Variants in XRRA1 observed in about 807,000 individuals in gnomAD.
XRRA1 encodes the protein X-ray radiation resistance-associated protein 1.
XRRA1 carries 69 observed loss-of-function variants against 80.2 expected under a neutral mutation model. That is an observed-to-expected ratio of 0.86 (90% CI 0.71 to 1.05). The LOEUF (loss-of-function observed/expected upper bound fraction) is 1.05. Among genes scored for constraint, XRRA1 ranks in the 50% least tolerant of loss-of-function variants. The pLI, the probability that XRRA1 is intolerant of heterozygous loss-of-function variation, is 0.00. For missense variants in XRRA1, 967 were observed against 976.4 expected (o/e 0.99, Z 0.13); for synonymous variants, 348 against 389.9 (o/e 0.89, Z 1.27).
intron 10 of XRRA1, among the ~76,000 whole-genome samples, chr11:74,891,136 T>C (rs1315297): frequency 0.41 from 61,959 of 151,930 alleles, 13,481 homozygotes; most frequent in Middle Eastern, 0.5. Context: ...CTGATGAACA[T>C]TGATGCAAAA....
At chr11:74,919,176 G>C (rs1241383576) in intron 8 of XRRA1, among the ~76,000 whole-genome samples, 1 of 152,126 alleles carries the variant, frequency 6.6e-6, no homozygotes, top group Non-Finnish European at 1.5e-5. Context: ...ATTTTTAAGA[G>C]TGCTTACCTT....
chr11:74,878,634 T>G (rs1444042109), intron 10 of XRRA1, among the ~76,000 whole-genome samples: 1 of 149,524 alleles, frequency 6.7e-6, no homozygotes, highest in Non-Finnish European at 1.5e-5. Context: ...TTGAATTGAT[T>G]TTTGTATAAG....
At position 74,930,373 on chromosome 11, in the gene XRRA1, CT is replaced by C; in HGVS notation, c.352-2del. On this transcript the variant is annotated splice_acceptor_variant, in intron 5 of 18. Transcript: ENST00000684022. LOFTEE classifies it high-confidence loss of function. ...AATGCTTGAAGTCATTTTCCTTGGC[CT>C]GTAGGAAAGCATTTCAGAAAAAAAA... The C allele has an allele frequency of 6.4e-7, 1 of 1,550,538 alleles. No individual in the cohort carries two copies. The highest frequency in any genetic ancestry group is 8.7e-7 in the Non-Finnish European group (1 of 1,147,948).
chr11:74,886,704 GA>G (rs150041377), intron 10 of XRRA1, among the ~76,000 whole-genome samples: 7,171 of 152,020 alleles, frequency 0.047, 248 homozygotes, highest in Middle Eastern at 0.12. Flanking sequence ...CACCAAATTA[GA>G]AAAAAGTATT....
chr11:74,892,039 A>G (rs1048582640), intron 10 of XRRA1, among the ~76,000 whole-genome samples: 17 of 152,202 alleles, frequency 1.1e-4, no homozygotes, highest in African/African-American at 3.9e-4. Flanking sequence ...TTCTTCACAG[A>G]ATTGGAAAAA....
Position 74,848,146 on chromosome 11 carries a change from G to A in XRRA1, c.1697C>T (p.Ser566Phe). Residue 566 changes from serine (S) to phenylalanine (F), a missense_variant, in exon 15 of 19, where the codon TCC becomes TTC. Transcript: ENST00000684022. The part of the protein sequence containing the change: ...LSPERPSDED[S>F]KSTESIFLTQ... Reference sequence around the variant, plus strand: ...CAGGAAGATGGACTCTGTGCTCTTGGAGTCCTCATCTGATGGGCGCTCTGG... The same window carrying A: ...CAGGAAGATGGACTCTGTGCTCTTGAAGTCCTCATCTGATGGGCGCTCTGG... 6.2e-7 allele frequency: 1 copy of A among 1,612,460 alleles called. No individual in the cohort carries two copies. Among genetic ancestry groups the A allele is most frequent in the Non-Finnish European group, 8.5e-7 (1 of 1,179,862 alleles).
intron 10 of XRRA1, among the ~76,000 whole-genome samples, chr11:74,879,470 T>C (rs1207883437): frequency 6.6e-6 from 1 of 152,122 alleles, no homozygotes. Flanking sequence ...TTCTCCTGCC[T>C]AATTGCCCTG....
rs1267036694 is a variant in XRRA1, at chr11:74,843,889, A to G, written c.2114T>C (p.Leu705Ser). ...CTCTGTAATGTTCCGGGGATCCCGC[A>G]AGCGAATGAAGATGTCATCCAGAAG... ...AQLLDDIFIR[L>S]RDPRNITEAP... Residue 705 changes from leucine to serine, a missense_variant, in exon 18 of 19, where the codon TTG (leucine) becomes TCG (serine). By Grantham distance (145) the Leu-to-Ser change is moderately radical. Transcript: ENST00000684022. 1 of 1,612,946 alleles carries G rather than the reference A, an allele frequency of 6.2e-7. No individual in the cohort carries two copies. Among genetic ancestry groups the G allele is most frequent in the Non-Finnish European group, 8.5e-7 (1 of 1,179,500 alleles).
intron 10 of XRRA1, among the ~76,000 whole-genome samples, chr11:74,894,109 C>T (rs2051574139): frequency 6.6e-6 from 1 of 152,144 alleles, no homozygotes; most frequent in Admixed American, 6.6e-5. Context: ...ATGTCCTTTG[C>T]AGAAACACAG....
intron 8 of XRRA1, among the ~76,000 whole-genome samples, chr11:74,920,380 C>T (rs1009339756): frequency 3.9e-5 from 6 of 152,116 alleles, no homozygotes; most frequent in Admixed American, 6.6e-5. Context: ...TAACTTATTA[C>T]ATATATACAC....
chr11:74,841,356 G>C lies in XRRA1; in HGVS notation c.*1844C>G, dbSNP rs929674122. 3.3e-5 allele frequency: 5 copies of C among 152,170 alleles called. No homozygotes were observed. The highest frequency in any genetic ancestry group is 1.2e-4 in the African/African-American group (5 of 41,432). The allele number at this position is 152,170 out of a possible 1,614,324, so 9.4% of individuals were successfully genotyped here. On this transcript the variant is annotated 3_prime_UTR_variant, in exon 19 of 19. Transcript: ENST00000684022. ...GCTGAAGAGATTTTCTTCTGAAGATGATCTAGGAAATGCATCTTTATACAT... is the reference window on the plus strand; with the variant it reads ...GCTGAAGAGATTTTCTTCTGAAGATCATCTAGGAAATGCATCTTTATACAT...
chr11:74,882,795 G>T (rs1280270613), intron 10 of XRRA1, among the ~76,000 whole-genome samples: 4 of 151,998 alleles, frequency 2.6e-5, no homozygotes, highest in Admixed American at 6.6e-5. Flanking sequence ...TGCCCCTGCT[G>T]GGGGGGTGCC....
chr11:74,863,090 T>C (rs939416782), intron 10 of XRRA1, 69 bp from the exon 11 acceptor site: 1 of 1,437,866 alleles, frequency 7.0e-7, no homozygotes, highest in East Asian at 2.4e-5. Context: ...ACCCAGGATA[T>C]AGGTCTGCCA....
intron 15 of XRRA1, among the ~76,000 whole-genome samples, chr11:74,846,682 T>C (rs554882333): frequency 7.2e-5 from 11 of 152,144 alleles, no homozygotes; most frequent in South Asian, 2.1e-4. Flanking sequence ...TCAGTAGACA[T>C]AGGAAAAGCC....
At position 74,845,122 on chromosome 11, in the gene XRRA1, A is replaced by G; in HGVS notation, c.1878T>C (p.Tyr626=). 6.2e-7 allele frequency: 1 copy of G among 1,614,030 alleles called. No homozygotes were observed. Residue 626 remains tyrosine (Y), a synonymous_variant, in exon 16 of 19, where the codon TAT becomes TAC. Coordinates refer to ENST00000684022, the MANE Select transcript of XRRA1 (RefSeq NM_001378157.1). ...TAFLPSKYHG[Y]EELLTAKPDP... ...CAGGCTTGGCTGTCAGCAGTTCTTC[A>G]TAGCCGTGGTACTTGCTGGGAAGGA...
chr11:74,920,767 G>A (rs1042171108), intron 8 of XRRA1, among the ~76,000 whole-genome samples: 1 of 152,198 alleles, frequency 6.6e-6, no homozygotes, highest in Admixed American at 6.5e-5. Context: ...GATTTAATGA[G>A]TTAACATACA....
chr11:74,878,016 T>C (rs2046484485), intron 10 of XRRA1, among the ~76,000 whole-genome samples: 1 of 151,850 alleles, frequency 6.6e-6, no homozygotes, highest in Admixed American at 6.6e-5. Flanking sequence ...TTTCCAGTTC[T>C]AGATCCCTGA....
intron 8 of XRRA1, among the ~76,000 whole-genome samples, chr11:74,911,004 G>A (rs886343815): frequency 6.6e-6 from 1 of 152,098 alleles, no homozygotes; most frequent in Admixed American, 6.6e-5. Context: ...AATGGCATGG[G>A]GATGTGTGTG....
intron 12 of XRRA1, among the ~76,000 whole-genome samples, chr11:74,855,250 T>C (rs2040807992): frequency 6.6e-6 from 1 of 152,044 alleles, no homozygotes; most frequent in African/African-American, 2.4e-5. Flanking sequence ...GTGGTCAAAG[T>C]GGGTGTAGAG....
Sources: allele counts gnomAD v4.1 joint callset (sites outside exome capture counted in the v4.1 genomes callset), GRCh38; gene constraint gnomAD v4.1.1; transcripts MANE v1.5; gene names NCBI Gene and HGNC (gene_info 2026-07-23, HGNC 2026-07-21).